OR10J1: variants seen among roughly 807,000 people sequenced by gnomAD.
The protein encoded by OR10J1 is olfactory receptor 10J1.
For synonymous variants in OR10J1, 202 were observed against 143.8 expected, an observed-to-expected ratio of 1.40 and a Z score of -2.89; for missense variants, 474 against 376.6, an observed-to-expected ratio of 1.26 and a Z score of -2.14.
At chr1:159,432,329 C>A in the OR10J1 span, 1 of 401,318 alleles carries the variant, frequency 2.5e-6, no homozygotes, top group Admixed American at 4.4e-5. Flanking sequence ...CCCTTGCCAG[C>A]AATGCTATCA....
the OR10J1 span, among the ~76,000 whole-genome samples, chr1:159,414,400 T>C: frequency 5.9e-5 from 9 of 152,114 alleles, no homozygotes; most frequent in Non-Finnish European, 8.8e-5. Flanking sequence ...GTTCCATCCA[T>C]GTTGCTTCAA....
In OR10J1 at chr1:159,440,480, T is replaced by A; in HGVS notation, c.689T>A (p.Val230Asp). 1 of 1,614,150 alleles carries A rather than the reference T, an allele frequency of 6.2e-7. No individual in the cohort carries two copies. The highest frequency in any genetic ancestry group is 2.2e-5 in the East Asian group (1 of 44,878). Residue 230 changes from valine (V) to aspartate (D), a missense_variant, in exon 1 of 1, where the codon GTT becomes GAT. Physicochemically the swap from Val to Asp is radical, Grantham distance 152. Coordinates refer to ENST00000423932, the MANE Select transcript of OR10J1 (RefSeq NM_012351.3). ...TCTACAATCCTCAAGATTGCTTCAGTTGAGGGCCGGAAGAAGGCTTTTGCC... is the reference window on the plus strand; with the variant it reads ...TCTACAATCCTCAAGATTGCTTCAGATGAGGGCCGGAAGAAGGCTTTTGCC... ...IISTILKIAS[V>D]EGRKKAFATC...
At chr1:159,417,204 A>G in the OR10J1 span, among the ~76,000 whole-genome samples, 1 of 152,158 alleles carries the variant, frequency 6.6e-6, no homozygotes, top group Non-Finnish European at 1.5e-5. Flanking sequence ...TTATTTCTAT[A>G]AAATTCCCTC....
the OR10J1 span, among the ~76,000 whole-genome samples, chr1:159,413,339 G>A: frequency 6.6e-6 from 1 of 151,832 alleles, no homozygotes; most frequent in Non-Finnish European, 1.5e-5. Flanking sequence ...CCATTACTGG[G>A]TATATACCCA....
the OR10J1 span, among the ~76,000 whole-genome samples, chr1:159,400,770 C>T: frequency 6.6e-6 from 1 of 151,728 alleles, no homozygotes; most frequent in Non-Finnish European, 1.5e-5. Flanking sequence ...ACCAAATAGA[C>T]CTAATAGATA....
the OR10J1 span, among the ~76,000 whole-genome samples, chr1:159,403,426 C>A: frequency 2.0e-5 from 3 of 152,028 alleles, no homozygotes; most frequent in Admixed American, 6.6e-5. Context: ...TGAAAACAAT[C>A]TAATAATCTG....
Position 159,440,531 on chromosome 1 carries a change from T to A in OR10J1, c.740T>A (p.Val247Asp). Reference protein sequence around the residue: ...FATCASHLTVVIVHYSCASIA... With the variant: ...FATCASHLTVDIVHYSCASIA... ...ACCTGTGCATCCCACCTCACTGTGG[T>A]CATTGTCCACTACAGCTGTGCCTCC... The change falls in exon 1 of 1, where the codon GTC becomes GAC. Residue 247 changes from valine to aspartate, a missense_variant. By Grantham distance (152) the Val-to-Asp change is radical. Coordinates refer to ENST00000423932, the MANE Select transcript of OR10J1 (RefSeq NM_012351.3). 1.2e-6 allele frequency: 2 copies of A among 1,614,040 alleles called. No homozygotes were observed. The highest frequency in any genetic ancestry group is 2.2e-5 in the East Asian group (1 of 44,882).
At chr1:159,415,291 C>T in the OR10J1 span, among the ~76,000 whole-genome samples, 5 of 151,952 alleles carry the variant, frequency 3.3e-5, no homozygotes, top group Non-Finnish European at 7.4e-5. Flanking sequence ...TGCATATGGA[C>T]ATCCAATTTT....
the OR10J1 span, among the ~76,000 whole-genome samples, chr1:159,411,665 G>A: frequency 1.3e-5 from 2 of 152,072 alleles, no homozygotes. Context: ...TTGCCAGTCT[G>A]TGTCTGTTAA....
At chr1:159,400,425 T>C in the OR10J1 span, among the ~76,000 whole-genome samples, 4 of 151,712 alleles carry the variant, frequency 2.6e-5, no homozygotes, top group African/African-American at 4.8e-5. Context: ...GGAGTCACTA[T>C]AGTTATATAA....
chr1:159,406,831 G>T, the OR10J1 span, among the ~76,000 whole-genome samples: 5 of 152,050 alleles, frequency 3.3e-5, no homozygotes, highest in East Asian at 3.9e-4. Context: ...AGTATGAATT[G>T]CCAGCAAAGA....
the OR10J1 span, among the ~76,000 whole-genome samples, chr1:159,426,646 T>A: frequency 6.6e-6 from 1 of 151,626 alleles, no homozygotes; most frequent in African/African-American, 2.4e-5. Context: ...CTTAAAAGAG[T>A]TGTAGCAATA....
chr1:159,421,865 T>C, the OR10J1 span, among the ~76,000 whole-genome samples: 1 of 152,068 alleles, frequency 6.6e-6, no homozygotes, highest in African/African-American at 2.4e-5. Context: ...GGCTGATTCT[T>C]GGGGCTCCAG....
the OR10J1 span, among the ~76,000 whole-genome samples, chr1:159,421,856 G>A: frequency 1.3e-5 from 2 of 152,138 alleles, no homozygotes; most frequent in Non-Finnish European, 2.9e-5. Flanking sequence ...GTGCAAGCAG[G>A]CTGATTCTTG....
chr1:159,439,655 A>C, upstream of OR10J1: 1 of 1,022,492 alleles, frequency 9.8e-7, no homozygotes, highest in South Asian at 1.6e-5. Context: ...GGATTAACTT[A>C]ATCCACTAGG....
At chr1:159,412,065 C>A in the OR10J1 span, among the ~76,000 whole-genome samples, 2 of 152,018 alleles carry the variant, frequency 1.3e-5, no homozygotes, top group African/African-American at 4.8e-5. Flanking sequence ...AGAGCTAAAT[C>A]ATGAGTGAAC....
At chr1:159,432,843 T>C in the OR10J1 span, 1 of 409,048 alleles carries the variant, frequency 2.4e-6, no homozygotes, top group Non-Finnish European at 4.3e-6. Context: ...CCCATGGTAT[T>C]GATCTTCATC....
the OR10J1 span, among the ~76,000 whole-genome samples, chr1:159,397,901 T>G: frequency 6.6e-6 from 1 of 151,896 alleles, no homozygotes; most frequent in Non-Finnish European, 1.5e-5. Context: ...GGGCCTTGAG[T>G]GAACATAGGC....
the OR10J1 span, among the ~76,000 whole-genome samples, chr1:159,419,016 T>G: frequency 6.6e-6 from 1 of 152,054 alleles, no homozygotes; most frequent in Admixed American, 6.5e-5. Context: ...TTAGAATGAG[T>G]GTATTTACCC....
Sources: gnomAD v4.1 joint callset for allele counts (sites outside exome capture counted in the v4.1 genomes callset) on GRCh38, gnomAD v4.1.1 for gene constraint, MANE v1.5 for transcripts, NCBI Gene and HGNC (gene_info 2026-07-23, HGNC 2026-07-21) for gene names.